SLC40A1: variants seen among roughly 807,000 people sequenced by gnomAD.
SLC40A1 encodes solute carrier family 40 member 1, also known as ferroportin.
A neutral mutation model predicts 53.5 loss-of-function variants in SLC40A1; 16 were observed. The ratio of observed to expected loss-of-function variants is 0.30; its 90% confidence interval spans 0.20 to 0.45. The LOEUF is 0.45. SLC40A1 is among the 20% of genes least tolerant of loss of function. The probability of loss-of-function intolerance (pLI) is 1.00; values close to 1 mark genes in which losing one functional copy is unlikely to be tolerated. For missense variants in SLC40A1, 545 were observed against 695.4 expected (o/e 0.78, Z 2.43); for synonymous variants, 247 against 253.2 (o/e 0.98, Z 0.23).
chr2:189,563,433 G>T (rs1432807753), intron 7 of SLC40A1, 151 bp downstream of exon 7: 1 of 616,824 alleles, frequency 1.6e-6, no homozygotes, highest in South Asian at 2.6e-5. Context: ...TAAATATAAA[G>T]TATAAATATG....
At chr2:189,572,530 A>G (rs1015898587) in intron 4 of SLC40A1, 2 of 404,314 alleles carry the variant, frequency 4.9e-6, no homozygotes, top group African/African-American at 4.1e-5. Flanking sequence ...ATAGATATGG[A>G]TAACATTTAT....
rs1223001734 is a variant in SLC40A1, at chr2:189,575,158, C to A, written c.271+3G>T. On this transcript the variant is annotated splice_donor_region_variant and intron_variant, in intron 3 of 7. Coordinates refer to ENST00000261024, the MANE Select transcript of SLC40A1 (RefSeq NM_014585.6). ...AAGGGCTTAATTATATAACAACACT[C>A]ACCTTTAAGTCTAGCATTCTTGTCC... 1 of 1,613,994 alleles carries A rather than the reference C, an allele frequency of 6.2e-7. No individual in the cohort carries two copies. The highest frequency in any genetic ancestry group is 8.5e-7 in the Non-Finnish European group (1 of 1,179,902).
chr2:189,575,060 C>A, intron 3 of SLC40A1, 101 bp downstream of exon 3: 1 of 1,339,300 alleles, frequency 7.5e-7, no homozygotes, highest in Non-Finnish European at 1.1e-6. Context: ...TGCAGACATT[C>A]CCTGGTTGTT....
chr2:189,575,378 C>T (rs1257345588), intron 2 of SLC40A1, 58 bp from the exon 3 acceptor site: 1 of 1,583,548 alleles, frequency 6.3e-7, no homozygotes, highest in Non-Finnish European at 8.7e-7. Context: ...GTCTATTGTA[C>T]TCAGGAAGTT....
At chr2:189,565,715 T>G in intron 5 of SLC40A1, 116 bp from the exon 6 acceptor site, 3 of 1,399,470 alleles carry the variant, frequency 2.1e-6, no homozygotes, top group Non-Finnish European at 3.0e-6. Flanking sequence ...TGTGGTTTTC[T>G]AAAAGTACAT....
At chr2:189,580,233 A>G (rs911923910) in intron 1 of SLC40A1, among the ~76,000 whole-genome samples, 185 bp downstream of exon 1, 5 of 152,196 alleles carry the variant, frequency 3.3e-5, no homozygotes, top group African/African-American at 1.2e-4. Flanking sequence ...GCCTGTGTGC[A>G]AACCCCTTTT....
chr2:189,578,222 G>A (rs1245061180), intron 2 of SLC40A1: 1 of 994,376 alleles, frequency 1.0e-6, no homozygotes, highest in East Asian at 1.1e-4. Flanking sequence ...TAATTACCTA[G>A]TGTTAGAGAC....
At chr2:189,580,262 T>G (rs552633500) in intron 1 of SLC40A1, among the ~76,000 whole-genome samples, 156 bp downstream of exon 1, 11 of 152,204 alleles carry the variant, frequency 7.2e-5, no homozygotes, top group African/African-American at 2.4e-4. Context: ...CTGAATTTCC[T>G]TTCTTCCTTA....
chr2:189,572,764 AAAAT>A (rs2031171028), intron 4 of SLC40A1, 78 bp downstream of exon 4: 3 of 1,017,608 alleles, frequency 2.9e-6, no homozygotes, highest in African/African-American at 1.6e-5. Context: ...GCCAAAAAAA[AAAAT>A]AGCTTCAAAG....
chr2:189,578,150 T>C, intron 2 of SLC40A1: 2 of 923,602 alleles, frequency 2.2e-6, no homozygotes, highest in African/African-American at 1.8e-5. Flanking sequence ...TACAGAAACA[T>C]AAATGTTTTG....
At chr2:189,574,478 A>G (rs1037102823) in intron 3 of SLC40A1, among the ~76,000 whole-genome samples, 1 of 152,222 alleles carries the variant, frequency 6.6e-6, no homozygotes, top group African/African-American at 2.4e-5. Flanking sequence ...TAAGTCAGGC[A>G]TGGTCAGGTC....
rs575263114 is a variant in SLC40A1 at position 189,565,647 on chromosome 2, G to C, written c.515-48C>G. 7 of 1,612,110 alleles carry C rather than the reference G, an allele frequency of 4.3e-6. No homozygotes were observed. The Admixed American group carries it at 1.0e-4, about 23-fold the overall frequency. On this transcript the variant is annotated intron_variant, in intron 5 of 7. Transcript: ENST00000261024. ...CAGGTAAGTGTGCAAACCCATCAAA[G>C]AGAGACTGCCCATTTACACAATACA...
In SLC40A1 at chr2:189,565,504, C is replaced by T. The variant is rs387907377; in HGVS notation, c.610G>A (p.Gly204Ser). 4.3e-6 allele frequency: 7 copies of T among 1,614,182 alleles called. No homozygotes were observed. Among genetic ancestry groups the T allele is most frequent in the East Asian group, 2.2e-5 (1 of 44,886 alleles). Residue 204 changes from glycine to serine, a missense_variant, in exon 6 of 8, where the codon GGC becomes AGC. Physicochemically the swap from Gly to Ser is moderately conservative, Grantham distance 56. This residue lies in a region of SLC40A1 where 197 missense variants were observed against 278.8 expected (regional missense o/e 0.71). Coordinates refer to ENST00000261024, the MANE Select transcript of SLC40A1 (RefSeq NM_014585.6). ...TTCCATCCCGAAATAAAGCCACAGC[C>T]GATGACTGGGGAGCCAAATGTCATA... ...QIMTFGSPVI[G>S]CGFISGWNLV... is the part of the protein sequence containing the mutation.
chr2:189,579,834 A>G lies in SLC40A1; in HGVS notation c.90T>C (p.Leu30=). 6.2e-7 allele frequency: 1 copy of G among 1,614,156 alleles called. No homozygotes were observed. Among genetic ancestry groups the G allele is most frequent in the Non-Finnish European group, 8.5e-7 (1 of 1,179,984 alleles). The change falls in exon 2 of 8, where the codon CTT becomes CTC. Residue 30 remains leucine, a synonymous_variant. Transcript: ENST00000261024. ...YLTSAKFLLY[L]GHSLSTWGDR... Reference sequence around the variant, plus strand: ...TTACCCAAGTAGAGAGAGAATGACCAAGGTAGAGAAGGAATTTTGCAGAGG... The same window carrying G: ...TTACCCAAGTAGAGAGAGAATGACCGAGGTAGAGAAGGAATTTTGCAGAGG...
chr2:189,571,693 T>C (rs2031131237), intron 5 of SLC40A1, 22 bp downstream of exon 5: 1 of 1,611,684 alleles, frequency 6.2e-7, no homozygotes, highest in Non-Finnish European at 8.5e-7. Context: ...GCTCATTTCA[T>C]TAAAAGAGAA....
At chr2:189,565,181 T>C (rs1559010963) in intron 6 of SLC40A1, among the ~76,000 whole-genome samples, 173 bp downstream of exon 6, 1 of 152,176 alleles carries the variant, frequency 6.6e-6, no homozygotes, top group African/African-American at 2.4e-5. Flanking sequence ...CCGGAGTTTT[T>C]CCCTAGATCC....
intron 7 of SLC40A1, among the ~76,000 whole-genome samples, chr2:189,563,289 C>CAAAAAAAAAAAAAAAAAAA (rs964698716): frequency 8.0e-6 from 1 of 125,662 alleles, no homozygotes; most frequent in African/African-American, 2.9e-5. Context: ...AAAAAAAAAA[C>CAAAAAAAAAAAAAAAAAAA]AAAAAAAAAA....
chr2:189,564,697 G>C (rs561525440), intron 6 of SLC40A1, among the ~76,000 whole-genome samples: 4 of 152,046 alleles, frequency 2.6e-5, no homozygotes, highest in Non-Finnish European at 4.4e-5. Flanking sequence ...AAAATTAGCC[G>C]GGTGTGGTGG....
chr2:189,579,969 A>G, intron 1 of SLC40A1, 89 bp from the exon 2 acceptor site: 1 of 1,306,320 alleles, frequency 7.7e-7, no homozygotes, highest in Non-Finnish European at 1.1e-6. Flanking sequence ...TCTCATTAGA[A>G]CATGATTATT....
Sources: gnomAD v4.1 joint callset for allele counts (sites outside exome capture counted in the v4.1 genomes callset) on GRCh38, gnomAD v4.1.1 for gene constraint, gnomAD v4.1.1 regional missense constraint, MANE v1.5 for transcripts, NCBI Gene and HGNC (gene_info 2026-07-23, HGNC 2026-07-21) for gene names.